TUSC3: variants seen among roughly 807,000 people sequenced by gnomAD.
The protein encoded by TUSC3 is tumor suppressor candidate 3, also known as dolichyl-diphosphooligosaccharide--protein glycosyltransferase subunit TUSC3.
In TUSC3, 45 loss-of-function variants were observed where a neutral mutation model predicts 44.8. That is an observed-to-expected ratio of 1.00 (90% CI 0.79 to 1.29). The LOEUF is 1.29. Among genes scored for constraint, TUSC3 ranks in the 50% most tolerant of loss-of-function variants. The pLI is 0.00. For synonymous variants in TUSC3, 212 were observed against 152.9 expected, an observed-to-expected ratio of 1.39 and a Z score of -2.85; for missense variants, 519 against 437.9, an observed-to-expected ratio of 1.19 and a Z score of -1.65.
At chr8:15,851,105 T>G in the TUSC3 span, among the ~76,000 whole-genome samples, 6 of 152,238 alleles carry the variant, frequency 3.9e-5, no homozygotes, top group Non-Finnish European at 8.8e-5. Context: ...AACACCTTAA[T>G]GGGAGCTCAA....
chr8:15,614,008 T>A (rs1002739666), intron 1 of TUSC3, among the ~76,000 whole-genome samples: 5 of 90,368 alleles, frequency 5.5e-5, no homozygotes, highest in Non-Finnish European at 9.4e-5. Flanking sequence ...GCTTCTGGTG[T>A]TTTGTTATTT....
the TUSC3 span, among the ~76,000 whole-genome samples, chr8:15,788,961 G>C: frequency 6.6e-6 from 1 of 152,166 alleles, no homozygotes; most frequent in African/African-American, 2.4e-5. Flanking sequence ...TTAAGCAGAT[G>C]GCATTGGCAA....
intron 1 of TUSC3, among the ~76,000 whole-genome samples, chr8:15,477,174 G>C (rs936308993): frequency 2.0e-5 from 3 of 152,070 alleles, no homozygotes; most frequent in Admixed American, 6.6e-5. Flanking sequence ...AGCATGAATC[G>C]ACCTTAGGTT....
At chr8:15,623,039 T>C (rs1585163580) in intron 1 of TUSC3, 41 bp from the exon 2 acceptor site, 1 of 1,601,076 alleles carries the variant, frequency 6.2e-7, no homozygotes, top group East Asian at 2.2e-5. Flanking sequence ...ACAAAAGGAC[T>C]TTGACTCTTT....
At chr8:15,713,706 T>C (rs756029888) in intron 6 of TUSC3, among the ~76,000 whole-genome samples, 2 of 151,984 alleles carry the variant, frequency 1.3e-5, no homozygotes, top group Non-Finnish European at 2.9e-5. Flanking sequence ...GTCTTGATCT[T>C]TTTTTTATAA....
In TUSC3 at chr8:15,613,674, T is replaced by A. The variant is rs184538980; in HGVS notation, c.139-9406T>A. ...TATAAATTACCCAGTCTCGGGTATGTCTTTATTAGCAGTGTGAAAACAGAC... is the reference window on the plus strand; with the variant it reads ...TATAAATTACCCAGTCTCGGGTATGACTTTATTAGCAGTGTGAAAACAGAC... On this transcript the variant is annotated intron_variant, in intron 1 of 10. Transcript: ENST00000503731. Among the ~76,000 whole-genome samples the A allele has an allele frequency of 2.6e-3, 395 of 152,348 alleles. 2 individuals are homozygous for A. Among genetic ancestry groups the A allele is most frequent in the African/African-American group, 9.1e-3 (377 of 41,582 alleles).
At chr8:15,540,216 A>T (rs1585082147), upstream of TUSC3, 4 of 622,000 alleles carry the variant, frequency 6.4e-6, no homozygotes, top group South Asian at 7.4e-5. Flanking sequence ...TCCTGCCCCC[A>T]TCCCGCGCCT....
chr8:15,730,200 A>C (rs1810661888), intron 6 of TUSC3, among the ~76,000 whole-genome samples: 1 of 152,154 alleles, frequency 6.6e-6, no homozygotes, highest in African/African-American at 2.4e-5. Context: ...TTTGTTTTGA[A>C]AAAATTTAAA....
the TUSC3 span, among the ~76,000 whole-genome samples, chr8:15,803,943 C>T: frequency 1.3e-5 from 2 of 152,156 alleles, no homozygotes; most frequent in South Asian, 4.1e-4. Context: ...TTTATCCAGT[C>T]TATCATCGAT....
intron 1 of TUSC3, among the ~76,000 whole-genome samples, chr8:15,612,158 G>T (rs189128550): frequency 6.6e-6 from 1 of 152,206 alleles, no homozygotes; most frequent in East Asian, 1.9e-4. Context: ...GTTTTATTAT[G>T]GCTATTTTGA....
chr8:15,483,948 C>T (rs1485345895), intron 2 of TUSC3, among the ~76,000 whole-genome samples: 7 of 151,974 alleles, frequency 4.6e-5, no homozygotes, highest in Admixed American at 1.3e-4. Context: ...TGAGCCACCG[C>T]GCCTGGCCTG....
chr8:15,767,254 G>A (rs1172793782), downstream of TUSC3, among the ~76,000 whole-genome samples: 1 of 151,986 alleles, frequency 6.6e-6, no homozygotes, highest in East Asian at 1.9e-4. Context: ...CATATACCAA[G>A]GGTCCAACTA....
intron 6 of TUSC3, among the ~76,000 whole-genome samples, chr8:15,698,378 A>C (rs892800313): frequency 6.6e-5 from 10 of 152,230 alleles, no homozygotes; most frequent in African/African-American, 1.9e-4. Flanking sequence ...TTATGAAAAC[A>C]ATTATGAAAT....
At chr8:15,515,918 C>T (rs1412516156) in intron 2 of TUSC3, among the ~76,000 whole-genome samples, 3 of 152,066 alleles carry the variant, frequency 2.0e-5, no homozygotes. Context: ...ATCCACCTTC[C>T]TTGGCCTCCT....
the TUSC3 span, among the ~76,000 whole-genome samples, chr8:15,840,378 T>A: frequency 8.6e-5 from 13 of 151,850 alleles, no homozygotes; most frequent in South Asian, 2.5e-3. Context: ...AAGTATAATT[T>A]AAAAAAATAA....
intron 2 of TUSC3, among the ~76,000 whole-genome samples, chr8:15,486,643 C>T (rs1264543016): frequency 1.3e-5 from 2 of 151,914 alleles, no homozygotes; most frequent in Non-Finnish European, 2.9e-5. Flanking sequence ...TGGGGTTTCA[C>T]CATCTTGGCC....
intron 1 of TUSC3, among the ~76,000 whole-genome samples, chr8:15,542,100 T>C (rs908197099): frequency 3.9e-5 from 6 of 151,936 alleles, no homozygotes. Flanking sequence ...CTGGCTTTTA[T>C]ACATTTTAGA....
downstream of TUSC3, among the ~76,000 whole-genome samples, chr8:15,769,191 A>G (rs1427055651): frequency 6.6e-6 from 1 of 152,230 alleles, no homozygotes; most frequent in Non-Finnish European, 1.5e-5. Flanking sequence ...ACAAAGCTAC[A>G]GTAACCAAAA....
Position 15,743,631 on chromosome 8 carries a change from AT to A in TUSC3, c.937+24del. 6.2e-7 allele frequency: 1 copy of A among 1,613,548 alleles called. No homozygotes were observed. Reference sequence around the variant, plus strand: ...AGACGGAGTAAGTCTCTGTGTTGCCATTTTTGTAATTTCGTTTTAGTCTTAA... The same window carrying A: ...AGACGGAGTAAGTCTCTGTGTTGCCATTTTGTAATTTCGTTTTAGTCTTAA... On this transcript the variant is annotated intron_variant, in intron 8 of 10. Transcript: ENST00000503731.
Sources: gnomAD v4.1 joint callset for allele counts (sites outside exome capture counted in the v4.1 genomes callset) on GRCh38, gnomAD v4.1.1 for gene constraint, MANE v1.5 for transcripts, NCBI Gene and HGNC (gene_info 2026-07-23, HGNC 2026-07-21) for gene names.